Variants in ZZEF1 observed in about 807,000 individuals in gnomAD.
ZZEF1 encodes zinc finger ZZ-type and EF-hand domain containing 1.
In ZZEF1, 157 loss-of-function variants were observed where a neutral mutation model predicts 342.8. The ratio of observed to expected loss-of-function variants is 0.46; its 90% CI spans 0.40 to 0.52. ZZEF1 has a LOEUF of 0.52. Among genes scored for constraint, ZZEF1 ranks in the 20% least tolerant of loss-of-function variants. ZZEF1 has a pLI of 0.00. For synonymous variants in ZZEF1, 1,505 were observed against 1,429.1 expected (o/e 1.05, Z -1.20); for missense variants, 3,480 against 3,725.6 (o/e 0.93, Z 1.72).
chr17:4,123,607 T>C (rs1285391571), intron 2 of ZZEF1, among the ~76,000 whole-genome samples: 3 of 152,018 alleles, frequency 2.0e-5, no homozygotes, highest in African/African-American at 4.8e-5. Context: ...CAAAAAAGAA[T>C]GCAGGATGCT....
intron 2 of ZZEF1, 58 bp downstream of exon 2, chr17:4,123,849 T>A: frequency 6.4e-7 from 1 of 1,556,706 alleles, no homozygotes; most frequent in Non-Finnish European, 8.7e-7. Flanking sequence ...CTAATTTCAA[T>A]CAGTAGTATA....
chr17:4,024,190 T>TTTTTG (rs2056346227), intron 43 of ZZEF1, among the ~76,000 whole-genome samples: 1 of 125,250 alleles, frequency 8.0e-6, no homozygotes, highest in African/African-American at 3.8e-5. Flanking sequence ...GCCCAGGTTT[T>TTTTTG]TTTTTTTTTT....
intron 43 of ZZEF1, 57 bp downstream of exon 43, chr17:4,024,862 C>A: frequency 6.6e-7 from 1 of 1,509,618 alleles, no homozygotes; most frequent in East Asian, 2.3e-5. Context: ...AGTTAATCCC[C>A]ATGCAGATGT....
intron 39 of ZZEF1, among the ~76,000 whole-genome samples, chr17:4,035,261 G>C (rs750962407): frequency 6.6e-6 from 1 of 152,160 alleles, no homozygotes; most frequent in Non-Finnish European, 1.5e-5. Flanking sequence ...TACAATGTCT[G>C]AGTTGTTATC....
At chr17:4,086,396 A>G in intron 15 of ZZEF1, 90 bp downstream of exon 15, 1 of 1,354,602 alleles carries the variant, frequency 7.4e-7, no homozygotes, top group Non-Finnish European at 1.0e-6. Flanking sequence ...TCTGGCTCGC[A>G]TCATCGTAGG....
chr17:4,067,536 T>C (rs1256618573), intron 26 of ZZEF1, among the ~76,000 whole-genome samples: 1 of 152,122 alleles, frequency 6.6e-6, no homozygotes, highest in Admixed American at 6.6e-5. Flanking sequence ...AAGTAAAAAT[T>C]TTAGAATATT....
At chr17:4,105,577 A>G in intron 7 of ZZEF1, 116 bp downstream of exon 7, 1 of 857,918 alleles carries the variant, frequency 1.2e-6, no homozygotes, top group Non-Finnish European at 1.8e-6. Context: ...AGCTGCTAAA[A>G]AGCAACCATT....
intron 37 of ZZEF1, among the ~76,000 whole-genome samples, chr17:4,045,449 A>T (rs2145131989): frequency 1.3e-5 from 2 of 152,276 alleles, no homozygotes; most frequent in South Asian, 4.1e-4. Context: ...AACCAAACAA[A>T]CCTTTATTTA....
In ZZEF1 at chr17:4,081,462, AAAG is replaced by A. The variant is rs761572468; in HGVS notation, c.2740_2742del (p.Leu915del). The A allele has an allele frequency of 3.7e-6, 6 of 1,613,970 alleles. No homozygotes were observed. In the African/African-American group the frequency reaches 4.0e-5, roughly 11 times the overall value. On this transcript the variant is annotated inframe_deletion, in exon 18 of 55. Coordinates refer to ENST00000381638, the MANE Select transcript of ZZEF1 (RefSeq NM_015113.4). The stretch of plus-strand genomic sequence containing the variant: ...TTGGCCAGGTCGTTCTTCTCAGGTA[AAAG>A]AAGAAGGCCGCCTGGATCCTTGTCA...
intron 39 of ZZEF1, among the ~76,000 whole-genome samples, chr17:4,039,858 A>C (rs1435433067): frequency 6.6e-6 from 1 of 151,936 alleles, no homozygotes; most frequent in Non-Finnish European, 1.5e-5. Flanking sequence ...GTTAGCCAGG[A>C]TGGTCTCGAT....
intron 32 of ZZEF1, 86 bp downstream of exon 32, chr17:4,057,908 G>A: frequency 7.3e-7 from 1 of 1,369,572 alleles, no homozygotes; most frequent in Admixed American, 1.9e-5. Context: ...TCTAGCTCCG[G>A]AGTCTGTGCT....
intron 1 of ZZEF1, among the ~76,000 whole-genome samples, chr17:4,140,644 C>T (rs978542832): frequency 2.0e-5 from 3 of 152,176 alleles, no homozygotes; most frequent in African/African-American, 7.2e-5. Flanking sequence ...CTGGACCACA[C>T]CTCAAGTATT....
chr17:4,059,619 C>A (rs1319747207), intron 30 of ZZEF1, among the ~76,000 whole-genome samples: 1 of 152,288 alleles, frequency 6.6e-6, no homozygotes, highest in African/African-American at 2.4e-5. Context: ...TGATCCTCTC[C>A]ACACAATCAC....
intron 31 of ZZEF1, 56 bp from the exon 32 acceptor site, chr17:4,058,211 C>G (rs544418703): frequency 1.3e-6 from 2 of 1,523,510 alleles, no homozygotes; most frequent in East Asian, 4.8e-5. Context: ...ACAGAGGCAA[C>G]AGAAGCAATT....
chr17:4,051,068 G>C (rs761308502), intron 35 of ZZEF1, 25 bp from the exon 36 acceptor site: 2 of 1,613,854 alleles, frequency 1.2e-6, no homozygotes, highest in African/African-American at 2.7e-5. Context: ...CACATTTAAA[G>C]CTTACAACCC....
At chr17:4,044,676 G>A (rs1024344862) in intron 37 of ZZEF1, among the ~76,000 whole-genome samples, 7 of 151,804 alleles carry the variant, frequency 4.6e-5, no homozygotes, top group Admixed American at 2.6e-4. Context: ...GTGCCACCAT[G>A]CCCAGCTAAT....
chr17:4,104,235 C>T (rs1325224596), intron 8 of ZZEF1, among the ~76,000 whole-genome samples: 2 of 152,152 alleles, frequency 1.3e-5, no homozygotes, highest in Admixed American at 6.5e-5. Context: ...CCCTTTGCAC[C>T]GTATCTTGGC....
rs757635371 is a variant in ZZEF1, at chr17:4,014,534, G to A, written c.8146-19C>T. ...CTTTATCCTAGGGAGGGGAAATGGAGAACACATCTGTCGATGCTGCTCACT... is the reference window on the plus strand; with the variant it reads ...CTTTATCCTAGGGAGGGGAAATGGAAAACACATCTGTCGATGCTGCTCACT... On this transcript the variant is annotated intron_variant, in intron 49 of 54. Transcript: ENST00000381638. This position sits in a 1 kb window ranked among gnomAD's most constrained non-coding sequence, Gnocchi z 4.4. 1.9e-6 allele frequency: 3 copies of A among 1,613,592 alleles called. No individual in the cohort carries two copies. In the South Asian group the frequency reaches 3.3e-5, roughly 18 times the overall value.
chr17:4,120,292 A>C (rs2058462350), intron 2 of ZZEF1, among the ~76,000 whole-genome samples: 1 of 151,956 alleles, frequency 6.6e-6, no homozygotes, highest in Admixed American at 6.6e-5. Context: ...GGGAGGCAGA[A>C]GTTGCAGCGA....
Sources: gnomAD v4.1 joint callset for allele counts (sites outside exome capture counted in the v4.1 genomes callset) on GRCh38, gnomAD v4.1.1 for gene constraint, Gnocchi (gnomAD v3.1) non-coding constraint, MANE v1.5 for transcripts, NCBI Gene and HGNC (gene_info 2026-07-23, HGNC 2026-07-21) for gene names.